Variants in PLEKHA5 observed in about 807,000 individuals in gnomAD.
The protein encoded by PLEKHA5 is pleckstrin homology domain-containing family A member 5.
Under a neutral mutation model 181.9 loss-of-function variants are expected in PLEKHA5, and 55 were observed. The observed-to-expected ratio is 0.30, with a 90% CI of 0.24 to 0.38. The LOEUF (loss-of-function observed/expected upper bound fraction) is 0.38, where lower values mean the gene tolerates loss of function less well. Among genes scored for constraint, PLEKHA5 ranks in the 10% least tolerant of loss-of-function variants. The pLI is 1.00. For missense variants in PLEKHA5, 1,432 were observed against 1,549.5 expected (o/e 0.92, Z 1.27); for synonymous variants, 535 against 529.4 (o/e 1.01, Z -0.15).
chr12:19,255,884 GAAA>G (rs60570882), intron 5 of PLEKHA5, among the ~76,000 whole-genome samples: 3 of 91,864 alleles, frequency 3.3e-5, no homozygotes, highest in African/African-American at 4.0e-5. Flanking sequence ...TGGAAGATTT[GAAA>G]AAAAAAAAAA....
intron 29 of PLEKHA5, among the ~76,000 whole-genome samples, chr12:19,363,654 G>A (rs2095334021): frequency 6.6e-6 from 1 of 151,356 alleles, no homozygotes; most frequent in South Asian, 2.1e-4. Flanking sequence ...ACCATGCCCA[G>A]CTAATTTTTG....
At chr12:19,346,853 T>C in intron 23 of PLEKHA5, 141 bp from the exon 24 acceptor site, 1 of 520,042 alleles carries the variant, frequency 1.9e-6, no homozygotes, top group Admixed American at 3.9e-5. Context: ...TGATTTTACT[T>C]TTCATTATTA....
At chr12:19,205,214 T>C (rs1352830500) in intron 3 of PLEKHA5, 2 of 169,350 alleles carry the variant, frequency 1.2e-5, no homozygotes, top group South Asian at 1.9e-4. Context: ...GGTCATCATA[T>C]GCTGAGATGA....
chr12:19,346,507 G>A (rs187124628), intron 23 of PLEKHA5, among the ~76,000 whole-genome samples: 3 of 151,836 alleles, frequency 2.0e-5, no homozygotes, highest in Non-Finnish European at 4.4e-5. Flanking sequence ...CGGGCATGGT[G>A]TGCCTGTGGT....
At chr12:19,302,906 A>ATTTTTTTTTTTTTTTTTTTTTTTTTTT (rs34702332) in intron 15 of PLEKHA5, among the ~76,000 whole-genome samples, 1 of 53,992 alleles carries the variant, frequency 1.9e-5, no homozygotes, top group East Asian at 7.8e-4. Context: ...TCTGTATGAA[A>ATTTTTTTTTTTTTTTTTTTTTTTTTTT]TTTTTTTTTT....
chr12:19,147,929 G>T (rs781483018), intron 3 of PLEKHA5, among the ~76,000 whole-genome samples: 6 of 152,118 alleles, frequency 3.9e-5, no homozygotes. Context: ...TAGAGATGGG[G>T]TCTCACTATG....
chr12:19,319,657 T>C (rs1044763967), intron 16 of PLEKHA5: 2 of 173,666 alleles, frequency 1.2e-5, no homozygotes, highest in African/African-American at 2.4e-5. Flanking sequence ...GTTTTTGTTA[T>C]TTTCTCACAG....
chr12:19,262,727 G>A (rs1445851905), intron 7 of PLEKHA5, among the ~76,000 whole-genome samples: 1 of 152,160 alleles, frequency 6.6e-6, no homozygotes, highest in Non-Finnish European at 1.5e-5. Flanking sequence ...AGTAGACACT[G>A]GGGAGCACAA....
At chr12:19,304,827 C>T (rs2082688581) in intron 15 of PLEKHA5, among the ~76,000 whole-genome samples, 1 of 151,734 alleles carries the variant, frequency 6.6e-6, no homozygotes, top group Admixed American at 6.6e-5. Flanking sequence ...GGATGTGATG[C>T]CTCATGCCTG....
intron 18 of PLEKHA5, 130 bp downstream of exon 18, chr12:19,320,754 T>G: frequency 1.9e-6 from 1 of 513,990 alleles, no homozygotes; most frequent in Non-Finnish European, 3.5e-6. Flanking sequence ...ATTCATATTT[T>G]ATGTGTGTGC....
At chr12:19,156,332 A>G (rs774238721) in intron 3 of PLEKHA5, among the ~76,000 whole-genome samples, 5 of 151,778 alleles carry the variant, frequency 3.3e-5, no homozygotes, top group African/African-American at 7.3e-5. Context: ...TTTTTACTTT[A>G]GAAAACTGAT....
chr12:19,185,319 T>C (rs377404966), intron 3 of PLEKHA5, among the ~76,000 whole-genome samples: 2 of 152,256 alleles, frequency 1.3e-5, no homozygotes, highest in South Asian at 2.1e-4. Context: ...GATCCTGTCA[T>C]TGACCAGGGT....
In PLEKHA5 at chr12:19,242,884, A is replaced by T. The variant is rs61433700; in HGVS notation, c.228-11056A>T. Among the ~76,000 whole-genome samples, 1,242 of 152,302 alleles carry T rather than the reference A, an allele frequency of 8.2e-3. 15 individuals carry two copies. Among genetic ancestry groups the T allele is most frequent in the African/African-American group, 0.028 (1,177 of 41,570 alleles). ...TTCTTTGATACCTGTAATGGTAGAAATGTGAGGTAACATTTCTAAATCTGT... is the reference window on the plus strand; with the variant it reads ...TTCTTTGATACCTGTAATGGTAGAATTGTGAGGTAACATTTCTAAATCTGT... On this transcript the variant is annotated intron_variant, in intron 3 of 31. Coordinates refer to ENST00000429027, the MANE Select transcript of PLEKHA5 (RefSeq NM_001256470.2).
At chr12:19,272,897 T>G (rs574872104) in intron 10 of PLEKHA5, among the ~76,000 whole-genome samples, 54 of 152,294 alleles carry the variant, frequency 3.5e-4, no homozygotes, top group Admixed American at 1.3e-3. Context: ...GTGTAAATGT[T>G]CTATGCCTTC....
intron 3 of PLEKHA5, among the ~76,000 whole-genome samples, chr12:19,197,256 C>T (rs1013790846): frequency 1.3e-5 from 2 of 152,294 alleles, no homozygotes; most frequent in African/African-American, 4.8e-5. Context: ...CCTTTTCTCA[C>T]TGCTGCAATC....
chr12:19,336,572 A>G lies in PLEKHA5; in HGVS notation c.2506A>G (p.Arg836Gly). The G allele has an allele frequency of 1.2e-6, 2 of 1,610,202 alleles. No homozygotes were observed. The highest frequency in any genetic ancestry group is 2.2e-5 in the South Asian group (2 of 90,750). ...GTTAGAATACGATGTAACTGTTACC[A>G]GGAACCAGATGCAAGAGCAGCTGGA... ...DKLEYDVTVTRNQMQEQLDHL... is the reference protein window; with the variant it reads ...DKLEYDVTVTGNQMQEQLDHL... Residue 836 changes from arginine to glycine, a missense_variant, in exon 21 of 32, where the codon AGG (arginine) becomes GGG (glycine). This residue lies in a region of PLEKHA5 where 1,143 missense variants were observed against 1,168.4 expected (regional missense o/e 0.98). Transcript: ENST00000429027.
intron 29 of PLEKHA5, among the ~76,000 whole-genome samples, chr12:19,362,699 G>A (rs2095291999): frequency 6.6e-6 from 1 of 152,034 alleles, no homozygotes; most frequent in Admixed American, 6.6e-5. Context: ...GGTCAAGGCT[G>A]CAGTGAGCCA....
In PLEKHA5 at chr12:19,361,044, T is replaced by G. The variant is rs7488257; in HGVS notation, c.3484-538T>G. On this transcript the variant is annotated intron_variant, in intron 28 of 31. Coordinates refer to ENST00000429027, the MANE Select transcript of PLEKHA5 (RefSeq NM_001256470.2). ...TGCTGGGATTACAGGTGTGAGCCACTGTGCCCGGCCTGCATCATCTCTTTA... is the reference window on the plus strand; with the variant it reads ...TGCTGGGATTACAGGTGTGAGCCACGGTGCCCGGCCTGCATCATCTCTTTA... Among the ~76,000 whole-genome samples, 3 of 151,634 alleles carry G rather than the reference T, an allele frequency of 2.0e-5. No individual in the cohort carries two copies. The East Asian group carries it at 5.9e-4, about 30-fold the overall frequency.
rs1340655921 is a variant in PLEKHA5 at position 19,333,000 on chromosome 12, CCTTT to C, written c.2449-3514_2449-3511del. ...TAACCATATACTCTTTGCCTGGCTT[CCTTT>C]AACTTACGAGGTTCATCCATATAGT... On this transcript the variant is annotated intron_variant, in intron 20 of 31. Coordinates refer to ENST00000429027, the MANE Select transcript of PLEKHA5 (RefSeq NM_001256470.2). Among the ~76,000 whole-genome samples the C allele has an allele frequency of 3.9e-5, 6 of 152,282 alleles. No individual in the cohort carries two copies. The East Asian group carries it at 1.2e-3, about 29-fold the overall frequency.
Sources: allele counts gnomAD v4.1 joint callset (sites outside exome capture counted in the v4.1 genomes callset), GRCh38; gene constraint gnomAD v4.1.1; regional missense constraint gnomAD v4.1.1; transcripts MANE v1.5; gene names NCBI Gene and HGNC (gene_info 2026-07-23, HGNC 2026-07-21).